The following ERMP1 variants were observed in gnomAD, a reference collection of about 807,000 sequenced individuals.
ERMP1 encodes endoplasmic reticulum metallopeptidase 1, also known as Felix-ina.
Under a neutral mutation model 92.0 loss-of-function variants are expected in ERMP1, and 86 were observed. The ratio of observed to expected loss-of-function variants is 0.93; its 90% CI spans 0.79 to 1.12. The LOEUF is 1.12. ERMP1 is among the 50% of genes most tolerant of loss of function. The pLI is 0.00. For synonymous variants in ERMP1, 530 were observed against 412.8 expected (o/e 1.28, Z -3.44); for missense variants, 1,342 against 1,116.3 (o/e 1.20, Z -2.88).
At chr9:5,802,544 T>G (rs1457183018) in intron 10 of ERMP1, among the ~76,000 whole-genome samples, 2 of 152,088 alleles carry the variant, frequency 1.3e-5, no homozygotes, top group African/African-American at 2.4e-5. Context: ...ACCACCGTGC[T>G]CAGCTAATTT....
chr9:5,840,145 G>A (rs781573255), intron 6 of ERMP1, among the ~76,000 whole-genome samples: 4 of 152,224 alleles, frequency 2.6e-5, no homozygotes, highest in Admixed American at 1.3e-4. Flanking sequence ...AAGAGGCTGA[G>A]GCAGGAGAAT....
At chr9:5,808,026 T>C (rs763811335) in intron 8 of ERMP1, among the ~76,000 whole-genome samples, 42 of 152,292 alleles carry the variant, frequency 2.8e-4, no homozygotes, top group Admixed American at 5.9e-4. Flanking sequence ...GTCTCACTTA[T>C]ATTGCCCAGG....
chr9:5,831,559 T>C (rs1246825555), intron 1 of ERMP1, among the ~76,000 whole-genome samples: 2 of 152,062 alleles, frequency 1.3e-5, no homozygotes, highest in Admixed American at 6.5e-5. Context: ...AGACCCGAGA[T>C]GGAGCCACTG....
chr9:5,798,369 A>G (rs1047685839), intron 12 of ERMP1, among the ~76,000 whole-genome samples: 18 of 152,188 alleles, frequency 1.2e-4, no homozygotes, highest in African/African-American at 4.3e-4. Flanking sequence ...GGCATGCACC[A>G]CCATGCCCGG....
At position 5,861,286 on chromosome 9, in the gene ERMP1, C is replaced by T. The variant is rs190388060; in HGVS notation, n.3056-1675G>A. ...ATCAGTTAATAACTCAAAGTATTATCCCAGGATGTCATCATTGGCCTTAGC... is the reference window on the plus strand; with the variant it reads ...ATCAGTTAATAACTCAAAGTATTATTCCAGGATGTCATCATTGGCCTTAGC... On this transcript the variant is annotated intron_variant and non_coding_transcript_variant, in intron 5 of 6. Transcript: ENST00000690753. Among the ~76,000 whole-genome samples the T allele has an allele frequency of 1.6e-4, 24 of 150,884 alleles. No homozygotes were observed. The East Asian group carries it at 4.5e-3, about 28-fold the overall frequency.
Position 5,816,700 on chromosome 9 carries a change from G to C in ERMP1, c.875-3665C>G, listed in dbSNP as rs376171600. On this transcript the variant is annotated intron_variant, in intron 4 of 14. Coordinates refer to ENST00000339450, the MANE Select transcript of ERMP1 (RefSeq NM_024896.3). ...CAGCACCATTCATAGCAAAAACCTG[G>C]AAACAACATAACAGCACCAACGGAA... Among the ~76,000 whole-genome samples the C allele has an allele frequency of 3.3e-5, 5 of 152,250 alleles. No homozygotes were observed. In the South Asian group the frequency reaches 6.2e-4, roughly 19 times the overall value.
chr9:5,859,211 G>A (rs993909054), intron 6 of ERMP1, among the ~76,000 whole-genome samples: 2 of 151,950 alleles, frequency 1.3e-5, no homozygotes, highest in Non-Finnish European at 1.5e-5. Context: ...CTTCTGAAAC[G>A]GGATCTTCTC....
In ERMP1 at chr9:5,805,010, A is replaced by C; in HGVS notation, c.1914+17T>G. 1 of 1,579,730 alleles carries C rather than the reference A, an allele frequency of 6.3e-7. No individual in the cohort carries two copies. Among genetic ancestry groups the C allele is most frequent in the Non-Finnish European group, 8.6e-7 (1 of 1,166,470 alleles). ...TATAAAAAATGAAGAAAAAGAAAAA[A>C]ACTTATTTTCTCTTACAAAATAGGA... On this transcript the variant is annotated intron_variant, in intron 10 of 14. Coordinates refer to ENST00000339450, the MANE Select transcript of ERMP1 (RefSeq NM_024896.3).
intron 2 of ERMP1, among the ~76,000 whole-genome samples, chr9:5,827,840 T>C (rs899646754): frequency 1.3e-4 from 18 of 141,524 alleles, no homozygotes; most frequent in African/African-American, 4.6e-4. Flanking sequence ...TCGCAAGGCA[T>C]GGTGGTGGGC....
intron 4 of ERMP1, among the ~76,000 whole-genome samples, chr9:5,813,854 A>C (rs1156250167): frequency 6.7e-6 from 1 of 148,618 alleles, no homozygotes; most frequent in Admixed American, 6.7e-5. Context: ...TTGTTTTATA[A>C]TTTATATAAT....
At chr9:5,817,164 C>A (rs1376668128) in intron 4 of ERMP1, among the ~76,000 whole-genome samples, 1 of 151,966 alleles carries the variant, frequency 6.6e-6, no homozygotes, top group East Asian at 1.9e-4. Context: ...TCCCAAAGTG[C>A]TGGGATTACA....
At chr9:5,815,825 T>C (rs866077490) in intron 4 of ERMP1, among the ~76,000 whole-genome samples, 1 of 152,150 alleles carries the variant, frequency 6.6e-6, no homozygotes, top group Non-Finnish European at 1.5e-5. Context: ...AGATACCACA[T>C]GCATCCTGAT....
At chr9:5,841,663 T>C (rs886151322) in intron 6 of ERMP1, among the ~76,000 whole-genome samples, 12 of 152,148 alleles carry the variant, frequency 7.9e-5, no homozygotes, top group African/African-American at 2.9e-4. Flanking sequence ...TGGTGGCACG[T>C]GCCTGTAATC....
chr9:5,795,760 A>G (rs1828398603), intron 13 of ERMP1, among the ~76,000 whole-genome samples: 1 of 152,224 alleles, frequency 6.6e-6, no homozygotes, highest in Non-Finnish European at 1.5e-5. Context: ...CCTAGGTGAC[A>G]GAGTGAGACT....
chr9:5,834,810 G>A (rs572099439), upstream of ERMP1, among the ~76,000 whole-genome samples: 35 of 146,608 alleles, frequency 2.4e-4, no homozygotes, highest in African/African-American at 7.5e-4. Context: ...TGTTGGGGAC[G>A]GGTAGATCTG....
intron 3 of ERMP1, 137 bp from the exon 4 acceptor site, chr9:5,824,138 T>C (rs1406454433): frequency 6.1e-6 from 4 of 659,610 alleles, no homozygotes; most frequent in Admixed American, 2.8e-5. Flanking sequence ...AAAGGCAGTA[T>C]CCAAAGACAT....
chr9:5,790,248 CA>C (rs532008250), intron 13 of ERMP1, among the ~76,000 whole-genome samples: 236 of 147,132 alleles, frequency 1.6e-3, no homozygotes, highest in African/African-American at 5.4e-3. Flanking sequence ...GGCGCAATTT[CA>C]GCTCACTGCA....
rs1320263135 is a variant in ERMP1, at chr9:5,803,711, CA to C, written c.1914+1315del. ...TACAACAGCAAACCTATCAAAAATACAGATGATATAAGGGTTACTATTAAAC... is the reference window on the plus strand; with the variant it reads ...TACAACAGCAAACCTATCAAAAATACGATGATATAAGGGTTACTATTAAAC... On this transcript the variant is annotated intron_variant, in intron 10 of 14. Transcript: ENST00000339450. Among the ~76,000 whole-genome samples, 3 of 152,130 alleles carry C rather than the reference CA, an allele frequency of 2.0e-5. No homozygotes were observed. The East Asian group carries it at 5.8e-4, about 29-fold the overall frequency.
intron 10 of ERMP1, among the ~76,000 whole-genome samples, chr9:5,802,459 A>T (rs1828707825): frequency 2.0e-5 from 3 of 152,084 alleles, no homozygotes; most frequent in Non-Finnish European, 4.4e-5. Context: ...ATCTCAGCTC[A>T]CTGCAATCTC....
Sources: allele counts gnomAD v4.1 joint callset (sites outside exome capture counted in the v4.1 genomes callset), GRCh38; gene constraint gnomAD v4.1.1; transcripts MANE v1.5; gene names NCBI Gene and HGNC (gene_info 2026-07-23, HGNC 2026-07-21).